SETD9: variants seen among roughly 807,000 people sequenced by gnomAD.
SETD9 encodes SET domain-containing protein 9.
In SETD9, 37 loss-of-function variants were observed where a neutral mutation model predicts 36.4. The ratio of observed to expected loss-of-function variants is 1.02; its 90% CI spans 0.78 to 1.34. The LOEUF (loss-of-function observed/expected upper bound fraction) is 1.34. SETD9 is among the 40% of genes most tolerant of loss of function. SETD9 has a pLI of 0.00. For missense variants in SETD9, 323 were observed against 353.2 expected, an observed-to-expected ratio of 0.91 and a Z score of 0.69; for synonymous variants, 128 against 132.9, an observed-to-expected ratio of 0.96 and a Z score of 0.26.
At chr5:56,928,621 G>T, downstream of SETD9, 1 of 535,526 alleles carries the variant, frequency 1.9e-6, no homozygotes, top group Non-Finnish European at 3.3e-6. Flanking sequence ...GCATCTCTGA[G>T]CAAATTAGTC....
chr5:56,915,430 A>G (rs910263684), intron 5 of SETD9, among the ~76,000 whole-genome samples: 4 of 152,230 alleles, frequency 2.6e-5, no homozygotes, highest in African/African-American at 9.6e-5. Flanking sequence ...CAGAAGACAC[A>G]TATTTTAACA....
intron 1 of SETD9, chr5:56,910,189 G>A (rs1444312034): frequency 1.8e-5 from 22 of 1,246,642 alleles, no homozygotes; most frequent in Non-Finnish European, 2.2e-5. Context: ...GTGAGAGTGC[G>A]TGGCTTTTTC....
At chr5:56,915,244 T>C (rs1002757387) in intron 5 of SETD9, among the ~76,000 whole-genome samples, 2 of 152,206 alleles carry the variant, frequency 1.3e-5, no homozygotes, top group African/African-American at 4.8e-5. Flanking sequence ...ATTCTGTTGT[T>C]TTTCCTACCT....
chr5:56,914,193 T>C (rs1749307611), intron 4 of SETD9, among the ~76,000 whole-genome samples: 1 of 152,250 alleles, frequency 6.6e-6, no homozygotes, highest in Non-Finnish European at 1.5e-5. Context: ...TTTAATTTAC[T>C]ATTTTTCTTC....
At chr5:56,923,871 T>C (rs74865790) in intron 5 of SETD9, 152,745 of 1,613,980 alleles carry the variant, frequency 0.095, 7,465 homozygotes, top group East Asian at 0.15. Flanking sequence ...GACTATATAT[T>C]ACAGTTAAAA....
In SETD9 at chr5:56,923,049, A is replaced by G. The variant is rs1186891268; in HGVS notation, c.813-2284A>G. On this transcript the variant is annotated intron_variant, in intron 5 of 5. Coordinates refer to the SETD9 transcript ENST00000628593. Reference sequence around the variant, plus strand: ...CATAGTGAGAAAGGTTCAAACTTCCAGTGAAAGACTATGCAAACCTGATAG... The same window carrying G: ...CATAGTGAGAAAGGTTCAAACTTCCGGTGAAAGACTATGCAAACCTGATAG... 5.8e-6 allele frequency: 7 copies of G among 1,199,228 alleles called. No homozygotes were observed. The East Asian group carries it at 1.0e-4, about 17-fold the overall frequency. The allele number at this position is 1,199,228 out of a possible 1,614,324, so 74.3% of individuals were successfully genotyped here.
In SETD9 at chr5:56,911,449, G is replaced by T; in HGVS notation, c.379G>T (p.Ala127Ser). Reference protein sequence around the residue: ...YKTLGFSVAQATSSLISAGKG... With the variant: ...YKTLGFSVAQSTSSLISAGKG... ...GACTTTGGGTTTCAGTGTTGCCCAA[G>T]CAACTAGCTCATTGATTTCTGCTGG... Residue 127 changes from alanine to serine, a missense_variant, in exon 2 of 6, where the codon GCA becomes TCA. Physicochemically the swap from Ala to Ser is moderately conservative, Grantham distance 99 (BLOSUM62 1). Transcript: ENST00000285947. 2 of 1,611,204 alleles carry T rather than the reference G, an allele frequency of 1.2e-6. No individual in the cohort carries two copies. Among genetic ancestry groups the T allele is most frequent in the South Asian group, 2.2e-5 (2 of 90,280 alleles).
chr5:56,914,122 C>G (rs1383408448), intron 4 of SETD9, 133 bp downstream of exon 4: 9 of 527,284 alleles, frequency 1.7e-5, no homozygotes, highest in Non-Finnish European at 3.0e-5. Context: ...GCAACTCTCA[C>G]TTTTGGGGGA....
intron 5 of SETD9, chr5:56,923,058 C>T: frequency 7.5e-7 from 1 of 1,330,612 alleles, no homozygotes; most frequent in Non-Finnish European, 1.0e-6. Flanking sequence ...CAGTGAAAGA[C>T]TATGCAAACC....
At chr5:56,925,515 C>T (rs183072175) in exon 6 of SETD9, 82 of 228,266 alleles carry the variant, frequency 3.6e-4, no homozygotes, top group Non-Finnish European at 6.2e-4. Context: ...ACATTAGCAC[C>T]CCAAAATTAA....
At chr5:56,924,096 G>T in intron 5 of SETD9, 6 of 1,576,020 alleles carry the variant, frequency 3.8e-6, no homozygotes, top group Non-Finnish European at 5.2e-6. Flanking sequence ...ATTTTTTTAA[G>T]CAACTTTTCT....
chr5:56,924,157 A>G (rs1749836871), intron 5 of SETD9: 1 of 973,032 alleles, frequency 1.0e-6, no homozygotes, highest in Admixed American at 2.8e-5. Context: ...CCCATTATAT[A>G]GTTCTGAACA....
At position 56,912,954 on chromosome 5, in the gene SETD9, G is replaced by A. The variant is rs186764128; in HGVS notation, c.467-57G>A. 528 of 1,542,690 alleles carry A rather than the reference G, an allele frequency of 3.4e-4. 6 individuals carry two copies. In the South Asian group the frequency reaches 4.3e-3, roughly 13 times the overall value. On this transcript the variant is annotated intron_variant, in intron 2 of 5. Transcript: ENST00000285947. The stretch of plus-strand genomic sequence containing the variant: ...TATATTCCAAAGAAGGGTTCTTATC[G>A]CAGTGTTTATGATTTTTCATGTTGT...
At chr5:56,923,299 A>G (rs1020004656) in intron 5 of SETD9, 1 of 1,614,178 alleles carries the variant, frequency 6.2e-7, no homozygotes, top group Non-Finnish European at 8.5e-7. Context: ...CAGAAACTTC[A>G]TTCATAAAGG....
Position 56,917,247 on chromosome 5 carries a change from C to T in SETD9, c.*345C>T. 2 of 1,039,492 alleles carry T rather than the reference C, an allele frequency of 1.9e-6. No individual in the cohort carries two copies. The highest frequency in any genetic ancestry group is 3.5e-5 in the South Asian group (1 of 28,842). 64.4% of individuals were successfully genotyped at this position (1,039,492 alleles called of 1,614,324 possible). ...GGTGGTTTATAAAATTGTAGCCAGG[C>T]ATCAGCAGTTCTTGTAGTACTGCTG... On this transcript the variant is annotated 3_prime_UTR_variant, in exon 6 of 6. Transcript: ENST00000285947.
intron 4 of SETD9, among the ~76,000 whole-genome samples, chr5:56,914,479 G>C (rs755086057): frequency 2.6e-5 from 4 of 151,882 alleles, no homozygotes; most frequent in Admixed American, 6.6e-5. Flanking sequence ...TCTTTTATTA[G>C]TATTTAACCT....
chr5:56,917,197 CTT>C lies in SETD9; in HGVS notation c.*298_*299del. 1 of 1,074,258 alleles carries C rather than the reference CTT, an allele frequency of 9.3e-7. No homozygotes were observed. The highest frequency in any genetic ancestry group is 1.7e-5 in the African/African-American group (1 of 58,676). 66.5% of individuals were successfully genotyped at this position (1,074,258 alleles called of 1,614,324 possible). On this transcript the variant is annotated 3_prime_UTR_variant, in exon 6 of 6. Coordinates refer to ENST00000285947, the MANE Select transcript of SETD9 (RefSeq NM_153706.4). Reference sequence around the variant, plus strand: ...CTTTGAACTTATAATTTCAATTTTTCTTTTGTTTATTTTGTAAGCTCTGTGGT... The same window carrying C: ...CTTTGAACTTATAATTTCAATTTTTCTTGTTTATTTTGTAAGCTCTGTGGT...
Position 56,911,307 on chromosome 5 carries a change from A to G in SETD9, c.237A>G (p.Pro79=). The G allele has an allele frequency of 1.2e-6, 2 of 1,611,666 alleles. No homozygotes were observed. Among genetic ancestry groups the G allele is most frequent in the Admixed American group, 1.7e-5 (1 of 59,482 alleles). ...AATCAGAAATCTTGTCTATGCTTCC[A>G]GAATCTGTTAAATCAAAATATCAAG... ...NKQSEILSML[P]ESVKSKYQDL... is the part of the protein sequence containing the mutation. Residue 79 remains proline (P), a synonymous_variant, in exon 2 of 6, where the codon CCA becomes CCG. Coordinates refer to ENST00000285947, the MANE Select transcript of SETD9 (RefSeq NM_153706.4).
At chr5:56,910,548 A>G in intron 1 of SETD9, 1 of 472,928 alleles carries the variant, frequency 2.1e-6, no homozygotes, top group South Asian at 2.1e-5. Context: ...ACAGGAGATC[A>G]GTTGTATCAT....
Sources: gnomAD v4.1 joint callset for allele counts (sites outside exome capture counted in the v4.1 genomes callset) on GRCh38, gnomAD v4.1.1 for gene constraint, MANE v1.5 for transcripts, NCBI Gene and HGNC (gene_info 2026-07-23, HGNC 2026-07-21) for gene names.